ERBB4: variants seen among roughly 807,000 people sequenced by gnomAD.
ERBB4 encodes erb-b2 receptor tyrosine kinase 4.
Under a neutral mutation model 158.0 loss-of-function variants are expected in ERBB4, and 42 were observed. The ratio of observed to expected loss-of-function variants is 0.27; its 90% CI spans 0.21 to 0.34. The LOEUF (loss-of-function observed/expected upper bound fraction) is 0.34. Among genes scored for constraint, ERBB4 ranks in the 10% least tolerant of loss-of-function variants. The pLI is 1.00. For synonymous variants in ERBB4, 583 were observed against 558.7 expected, an observed-to-expected ratio of 1.04 and a Z score of -0.61; for missense variants, 1,333 against 1,624.1, an observed-to-expected ratio of 0.82 and a Z score of 3.08.
At chr2:211,700,998 CA>C (rs1381687412) in intron 12 of ERBB4, among the ~76,000 whole-genome samples, 1 of 152,046 alleles carries the variant, frequency 6.6e-6, no homozygotes, top group Admixed American at 6.5e-5. Flanking sequence ...AGTAGAAAAA[CA>C]GGGAAGAATT....
chr2:211,415,585 A>G (rs966964383), intron 25 of ERBB4, among the ~76,000 whole-genome samples: 6 of 152,162 alleles, frequency 3.9e-5, no homozygotes, highest in African/African-American at 1.4e-4. Flanking sequence ...TTGGGGCTAA[A>G]TTTATAAAAA....
intron 2 of ERBB4, among the ~76,000 whole-genome samples, chr2:212,037,550 C>T (rs1332543972): frequency 1.3e-5 from 2 of 152,144 alleles, no homozygotes; most frequent in Non-Finnish European, 2.9e-5. Context: ...TTTGTACGTT[C>T]CTTATGTAAG....
intron 1 of ERBB4, among the ~76,000 whole-genome samples, chr2:212,362,189 C>T (rs1487843424): frequency 6.6e-6 from 1 of 151,230 alleles, no homozygotes; most frequent in Non-Finnish European, 1.5e-5. Context: ...TCTGTACTGG[C>T]AGATCTGGTA....
At chr2:212,458,304 A>C (rs1688402608) in intron 1 of ERBB4, among the ~76,000 whole-genome samples, 1 of 152,074 alleles carries the variant, frequency 6.6e-6, no homozygotes, top group Non-Finnish European at 1.5e-5. Flanking sequence ...ATCAGGAAAA[A>C]AATGGTAAGA....
At chr2:212,483,367 C>T (rs1453709365) in intron 1 of ERBB4, among the ~76,000 whole-genome samples, 2 of 152,118 alleles carry the variant, frequency 1.3e-5, no homozygotes, top group Non-Finnish European at 2.9e-5. Flanking sequence ...ACTGAATTTC[C>T]CTTTTTACAA....
chr2:211,722,596 G>T (rs13002712), intron 6 of ERBB4, 62 bp from the exon 7 acceptor site: 1 of 1,513,356 alleles, frequency 6.6e-7, no homozygotes, highest in Non-Finnish European at 9.2e-7. Flanking sequence ...TTAATGAAAC[G>T]CTGCCAAAAC....
intron 3 of ERBB4, among the ~76,000 whole-genome samples, chr2:211,826,096 A>G (rs1219755069): frequency 6.6e-6 from 1 of 151,546 alleles, no homozygotes; most frequent in African/African-American, 2.4e-5. Flanking sequence ...TACAGAACTA[A>G]GAAAACAGAC....
intron 1 of ERBB4, among the ~76,000 whole-genome samples, chr2:212,517,110 C>T (rs1400849361): frequency 6.6e-6 from 1 of 152,070 alleles, no homozygotes; most frequent in Non-Finnish European, 1.5e-5. Context: ...TCGAAATTAA[C>T]AAACATTTTG....
Position 212,219,819 on chromosome 2 carries a change from A to G in ERBB4, c.83-94916T>C, listed in dbSNP as rs553199676. Among the ~76,000 whole-genome samples, 3 of 151,500 alleles carry G rather than the reference A, an allele frequency of 2.0e-5. No individual in the cohort carries two copies. The East Asian group carries it at 5.8e-4, about 29-fold the overall frequency. ...AAACACTCTTAGGAGCAAAATAGAA[A>G]CCTGCACAAACCCTCTGGTTTTGTC... On this transcript the variant is annotated intron_variant, in intron 1 of 27. Coordinates refer to ENST00000342788, the MANE Select transcript of ERBB4 (RefSeq NM_005235.3).
At chr2:211,509,200 G>A (rs1384925226) in intron 20 of ERBB4, among the ~76,000 whole-genome samples, 1 of 151,964 alleles carries the variant, frequency 6.6e-6, no homozygotes, top group Non-Finnish European at 1.5e-5. Context: ...TGGGGGACAA[G>A]GGGAGGGAGA....
rs1222889601 is a variant in ERBB4, at chr2:211,666,555, C to G, written c.1717-1078G>C. ...TCTGGTATAATGGATGGAAAGCATA[C>G]TAGAAATGGGTATATCGTCAGAGCA... On this transcript the variant is annotated intron_variant, in intron 14 of 27. Transcript: ENST00000342788. Among the ~76,000 whole-genome samples the G allele has an allele frequency of 2.0e-5, 3 of 152,258 alleles. No individual in the cohort carries two copies. The East Asian group carries it at 5.8e-4, about 29-fold the overall frequency.
intron 1 of ERBB4, among the ~76,000 whole-genome samples, chr2:212,380,456 C>CTGTGTGTGTGTGTGTGTGTGTG (rs6147158): frequency 3.4e-4 from 49 of 143,058 alleles, no homozygotes; most frequent in African/African-American, 1.2e-3. Context: ...AGGAATGACT[C>CTGTGTGTGTGTGTGTGTGTGTG]TGTGTGTGTG....
chr2:211,473,319 C>A (rs1322614614), intron 20 of ERBB4, among the ~76,000 whole-genome samples: 2 of 151,996 alleles, frequency 1.3e-5, no homozygotes, highest in African/African-American at 2.4e-5. Flanking sequence ...GAGAGTAGGT[C>A]CCTGCCAACA....
chr2:212,085,346 G>C (rs978018418), intron 2 of ERBB4, among the ~76,000 whole-genome samples: 9 of 151,770 alleles, frequency 5.9e-5, no homozygotes, highest in African/African-American at 2.2e-4. Flanking sequence ...GTATTATTTT[G>C]TTTCATGAAT....
chr2:212,407,850 C>T (rs568520635), intron 1 of ERBB4, among the ~76,000 whole-genome samples: 1 of 151,954 alleles, frequency 6.6e-6, no homozygotes, highest in Admixed American at 6.6e-5. Context: ...ACTTTAAATG[C>T]ATTAAGTAGA....
At chr2:211,485,057 C>T (rs945931742) in intron 20 of ERBB4, among the ~76,000 whole-genome samples, 1 of 152,138 alleles carries the variant, frequency 6.6e-6, no homozygotes, top group African/African-American at 2.4e-5. Flanking sequence ...AGACCATCCA[C>T]ATGGGCCAGA....
chr2:211,637,604 A>C lies in ERBB4; in HGVS notation c.1947-7010T>G, dbSNP rs148735048. On this transcript the variant is annotated intron_variant, in intron 16 of 27. Coordinates refer to ENST00000342788, the MANE Select transcript of ERBB4 (RefSeq NM_005235.3). ...ATCCTATATACTACTTTTAAATTTA[A>C]ATCATTTAGCTCCACTGAATGTGAA... Among the ~76,000 whole-genome samples the C allele has an allele frequency of 4.6e-5, 7 of 151,972 alleles. No homozygotes were observed. In the East Asian group the frequency reaches 1.4e-3, roughly 29 times the overall value.
chr2:212,266,760 C>T lies in ERBB4; in HGVS notation c.83-141857G>A, dbSNP rs556601655. 3.3e-5 allele frequency among the ~76,000 whole-genome samples: 5 copies of T among 151,858 alleles called. No homozygotes were observed. The South Asian group carries it at 1.0e-3, about 31-fold the overall frequency. ...TTCAAAATAAAGAAAATATTGCCAA[C>T]TAAGTTTGAAATTAGAATGACTGCT... On this transcript the variant is annotated intron_variant, in intron 1 of 27. Transcript: ENST00000342788.
chr2:211,604,599 A>T (rs934668433), intron 19 of ERBB4, among the ~76,000 whole-genome samples: 1 of 152,200 alleles, frequency 6.6e-6, no homozygotes, highest in Non-Finnish European at 1.5e-5. Flanking sequence ...GTAATATCTC[A>T]TCACCAAAAC....
Sources: allele counts gnomAD v4.1 joint callset (sites outside exome capture counted in the v4.1 genomes callset), GRCh38; gene constraint gnomAD v4.1.1; transcripts MANE v1.5; gene names NCBI Gene and HGNC (gene_info 2026-07-23, HGNC 2026-07-21).